Variants in ACYP2 observed in about 807,000 individuals in gnomAD.
ACYP2 encodes acylphosphatase 2.
A neutral mutation model predicts 11.2 loss-of-function variants in ACYP2; 12 were observed. The ratio of observed to expected loss-of-function variants is 1.08; its 90% confidence interval spans 0.69 to 1.74. The LOEUF (loss-of-function observed/expected upper bound fraction) is 1.74. ACYP2 is among the 40% of genes most tolerant of loss of function. ACYP2 has a pLI of 0.00. For synonymous variants in ACYP2, 43 were observed against 32.2 expected (o/e 1.33, Z -1.13); for missense variants, 134 against 101.9 (o/e 1.31, Z -1.35).
At chr2:54,200,768 T>A (rs1682110) in intron 6 of ACYP2, among the ~76,000 whole-genome samples, 53,561 of 151,896 alleles carry the variant, frequency 0.35, 10,452 homozygotes, top group African/African-American at 0.53. Context: ...TTGAGTGTAT[T>A]CCTAGGAGTA....
At chr2:54,187,868 T>C (rs1684074425) in intron 6 of ACYP2, among the ~76,000 whole-genome samples, 1 of 152,144 alleles carries the variant, frequency 6.6e-6, no homozygotes, top group African/African-American at 2.4e-5. Context: ...GGGAGGAGTT[T>C]AGGTGGGATC....
At chr2:54,256,208 A>G (rs899067312) in intron 6 of ACYP2, 9 of 1,533,202 alleles carry the variant, frequency 5.9e-6, no homozygotes, top group Non-Finnish European at 7.9e-6. Flanking sequence ...AGGTAGCGTC[A>G]ACGTTCCTCA....
intron 2 of ACYP2, among the ~76,000 whole-genome samples, chr2:53,978,949 T>C (rs1403602501): frequency 6.6e-6 from 1 of 151,866 alleles, no homozygotes; most frequent in Non-Finnish European, 1.5e-5. Flanking sequence ...GTATAGCATA[T>C]ACACTCATAC....
intron 4 of ACYP2, among the ~76,000 whole-genome samples, chr2:54,126,699 G>C (rs971197534): frequency 6.6e-6 from 1 of 151,360 alleles, no homozygotes; most frequent in Non-Finnish European, 1.5e-5. Flanking sequence ...TGTAATCCCA[G>C]AACTTTGGGA....
At chr2:54,142,945 C>G (rs1032429285) in intron 6 of ACYP2, 1 of 152,022 alleles carries the variant, frequency 6.6e-6, no homozygotes, top group African/African-American at 2.4e-5. Context: ...ATTTCTTTCC[C>G]ATTTATGCTT....
At chr2:54,202,129 A>G (rs1286429277) in intron 6 of ACYP2, among the ~76,000 whole-genome samples, 1 of 151,814 alleles carries the variant, frequency 6.6e-6, no homozygotes, top group Non-Finnish European at 1.5e-5. Context: ...GCGATTGGCT[A>G]TCCAGTTGTT....
At chr2:54,003,731 A>G (rs1290800971) in intron 2 of ACYP2, among the ~76,000 whole-genome samples, 8 of 152,134 alleles carry the variant, frequency 5.3e-5, no homozygotes, top group Admixed American at 5.2e-4. Flanking sequence ...ACATGTTTCA[A>G]CTCATTTGGG....
chr2:54,234,142 A>T (rs1686367615), intron 6 of ACYP2, among the ~76,000 whole-genome samples: 1 of 152,208 alleles, frequency 6.6e-6, no homozygotes, highest in Admixed American at 6.5e-5. Flanking sequence ...GATAGGAATA[A>T]GAGGAGTATT....
chr2:54,240,621 T>C (rs1686690079), intron 6 of ACYP2, among the ~76,000 whole-genome samples: 1 of 152,182 alleles, frequency 6.6e-6, no homozygotes, highest in South Asian at 2.1e-4. Context: ...ACTCCCTGCC[T>C]CATCATACTT....
chr2:54,268,381 C>T (rs1484281547), intron 6 of ACYP2, among the ~76,000 whole-genome samples: 1 of 152,092 alleles, frequency 6.6e-6, no homozygotes. Context: ...ATTAAGGAAA[C>T]CTGGTCGATT....
At chr2:54,263,363 T>G (rs1195683239) in intron 6 of ACYP2, among the ~76,000 whole-genome samples, 1 of 152,174 alleles carries the variant, frequency 6.6e-6, no homozygotes, top group Non-Finnish European at 1.5e-5. Flanking sequence ...CATGATCCAG[T>G]CATCTCCCAC....
At chr2:54,017,566 T>C (rs1017229828) in intron 2 of ACYP2, among the ~76,000 whole-genome samples, 1 of 152,158 alleles carries the variant, frequency 6.6e-6, no homozygotes, top group Non-Finnish European at 1.5e-5. Context: ...GGCCATTAAG[T>C]TTCAACATAT....
intron 6 of ACYP2, among the ~76,000 whole-genome samples, chr2:54,276,581 C>T (rs574842712): frequency 4.1e-5 from 6 of 147,746 alleles, no homozygotes; most frequent in African/African-American, 1.5e-4. Context: ...ATCATGAAAA[C>T]CACATTTCAT....
chr2:54,010,744 T>C (rs1263507465), intron 2 of ACYP2, among the ~76,000 whole-genome samples: 1,614 of 121,706 alleles, frequency 0.013, 68 homozygotes, highest in African/African-American at 0.042. Flanking sequence ...TTTCTTTTTT[T>C]TTTTTTTTTT....
chr2:54,261,127 A>G (rs1687758047), intron 6 of ACYP2, among the ~76,000 whole-genome samples: 1 of 152,204 alleles, frequency 6.6e-6, no homozygotes, highest in Non-Finnish European at 1.5e-5. Context: ...GGAAACATGT[A>G]TTTTTTAAAA....
At chr2:54,249,152 A>ATGAT (rs1250381482) in intron 6 of ACYP2, among the ~76,000 whole-genome samples, 1 of 152,092 alleles carries the variant, frequency 6.6e-6, no homozygotes, top group African/African-American at 2.4e-5. Flanking sequence ...CAAAAGGGAC[A>ATGAT]TGATTACTTT....
At chr2:54,283,413 A>G (rs780411107) in intron 6 of ACYP2, among the ~76,000 whole-genome samples, 32 of 152,190 alleles carry the variant, frequency 2.1e-4, no homozygotes, top group Middle Eastern at 3.2e-3. Context: ...CTTTCATTGC[A>G]TGCTTTCCAT....
Position 54,266,590 on chromosome 2 carries a change from C to CT in ACYP2, c.405-38065dup, listed in dbSNP as rs138812389. On this transcript the variant is annotated intron_variant, in intron 6 of 6. Coordinates refer to ENST00000607452, the MANE Select transcript of ACYP2 (RefSeq NM_001320586.2). ...TAGATAGATATAGATATCTATCTAT[C>CT]TTTTTTTTTTTTTTTTTTTTTTTTT... Among the ~76,000 whole-genome samples the CT allele has an allele frequency of 5.6e-3, 292 of 52,260 alleles. 54 individuals are homozygous for CT. Among genetic ancestry groups the CT allele is most frequent in the African/African-American group, 6.8e-3 (90 of 13,212 alleles). 34.3% of individuals were successfully genotyped at this position (52,260 alleles called of 152,430 possible).
intron 4 of ACYP2, among the ~76,000 whole-genome samples, chr2:54,114,142 T>C (rs1230083625): frequency 6.6e-6 from 1 of 152,236 alleles, no homozygotes; most frequent in African/African-American, 2.4e-5. Flanking sequence ...ATTTTAACTG[T>C]GTGGCCAGAT....
Sources: gnomAD v4.1 joint callset for allele counts (sites outside exome capture counted in the v4.1 genomes callset) on GRCh38, gnomAD v4.1.1 for gene constraint, MANE v1.5 for transcripts, NCBI Gene and HGNC (gene_info 2026-07-23, HGNC 2026-07-21) for gene names.